Variants in DOCK11 observed in about 807,000 individuals in gnomAD.
DOCK11 encodes dedicator of cytokinesis 11, also known as dedicator of cytokinesis protein 11.
DOCK11 carries 70 observed loss-of-function variants against 169.1 expected under a neutral mutation model. The ratio of observed to expected loss-of-function variants is 0.41; its 90% CI spans 0.34 to 0.51. The LOEUF is 0.51. Ranked by LOEUF, DOCK11 falls within the 20% of genes least tolerant of loss-of-function variation. The pLI is 0.10. For missense variants in DOCK11, 1,166 were observed against 1,538.8 expected (o/e 0.76, Z 4.05); for synonymous variants, 529 against 541.3 (o/e 0.98, Z 0.32).
At chrX:118,583,238 T>C (rs932115478) in intron 14 of DOCK11, among the ~76,000 whole-genome samples, 4 of 110,218 alleles carry the variant, frequency 3.6e-5, no homozygotes, top group Admixed American at 9.7e-5. Flanking sequence ...TGAGAATACA[T>C]GGACATGGGG....
chrX:118,593,535 A>G (rs1184896783), intron 20 of DOCK11, among the ~76,000 whole-genome samples, 198 bp downstream of exon 20: 1 of 112,044 alleles, frequency 8.9e-6, no homozygotes, highest in Non-Finnish European at 1.9e-5. Flanking sequence ...ACACTTCCAC[A>G]TGGCTGAGGA....
chrX:118,560,419 T>C (rs1188450258), intron 6 of DOCK11, among the ~76,000 whole-genome samples: 2 of 111,834 alleles, frequency 1.8e-5, no homozygotes. Flanking sequence ...GTTCTTCGAA[T>C]AAGACAAGAT....
chrX:118,607,998 A>T, intron 24 of DOCK11, 74 bp from the exon 25 acceptor site: 1 of 906,849 alleles, frequency 1.1e-6, no homozygotes, highest in Admixed American at 2.9e-5. Flanking sequence ...GGGGCTAGAC[A>T]TGACGATCTT....
chrX:118,498,040 G>A (rs2057549393), intron 1 of DOCK11, among the ~76,000 whole-genome samples: 1 of 112,478 alleles, frequency 8.9e-6, no homozygotes, highest in Non-Finnish European at 1.9e-5. Flanking sequence ...CGCTGGCAGT[G>A]GCCATGGTTC....
At chrX:118,684,431 C>T (rs1255057374) in intron 52 of DOCK11, among the ~76,000 whole-genome samples, 1 of 108,523 alleles carries the variant, frequency 9.2e-6, no homozygotes, top group Non-Finnish European at 1.9e-5. Context: ...TGCCACCACG[C>T]CTGGCTAATT....
chrX:118,578,583 AG>A lies in DOCK11; in HGVS notation c.1450del (p.Val484TyrfsTer20). On this transcript the variant is annotated frameshift_variant, in exon 13 of 53. Transcript: ENST00000276202. LOFTEE classifies it high-confidence loss of function. ...PEIFLVARIE[K>X]VLQGNITHCA... ...ATTTTTCTAGTTGCCAGAATTGAAA[AG>A]GTACTACAGGGAAACATTACACACT... The A allele has an allele frequency of 1.7e-6, 2 of 1,206,633 alleles. No homozygotes were observed. The highest frequency in any genetic ancestry group is 2.2e-6 in the Non-Finnish European group (2 of 891,254).
At chrX:118,508,396 G>A (rs923331016) in intron 1 of DOCK11, among the ~76,000 whole-genome samples, 22 of 110,877 alleles carry the variant, frequency 2.0e-4, no homozygotes, top group Non-Finnish European at 3.8e-5. Flanking sequence ...TGCCTTGCAG[G>A]GCCTGTTGTC....
intron 46 of DOCK11, among the ~76,000 whole-genome samples, chrX:118,672,570 T>C (rs375803631): frequency 1.7e-3 from 191 of 112,614 alleles, no homozygotes; most frequent in African/African-American, 2.0e-3. Context: ...GTAGCTGGGA[T>C]TACAGGCGCC....
At chrX:118,616,315 G>C (rs2014811633) in intron 30 of DOCK11, 1 of 699,419 alleles carries the variant, frequency 1.4e-6, no homozygotes, top group Non-Finnish European at 1.9e-6. Flanking sequence ...TGCTAAGATG[G>C]ATGGGGGCTT....
intron 49 of DOCK11, 77 bp from the exon 50 acceptor site, chrX:118,680,981 T>C: frequency 2.9e-5 from 27 of 930,691 alleles, no homozygotes; most frequent in Non-Finnish European, 3.5e-5. Context: ...TTAAGCACAA[T>C]AGAGTTTTTT....
intron 18 of DOCK11, among the ~76,000 whole-genome samples, chrX:118,589,484 A>G (rs957009445): frequency 1.8e-5 from 2 of 111,712 alleles, no homozygotes; most frequent in Non-Finnish European, 3.8e-5. Flanking sequence ...TGCTCACTCT[A>G]AAGTAACAGA....
At chrX:118,548,066 G>T (rs2147354630) in intron 6 of DOCK11, among the ~76,000 whole-genome samples, 1 of 111,605 alleles carries the variant, frequency 9.0e-6, no homozygotes, top group South Asian at 3.8e-4. Flanking sequence ...ATAAATAAAT[G>T]CATGAAGGAA....
At chrX:118,578,729 G>A (rs1447628515) in intron 13 of DOCK11, 82 bp downstream of exon 13, 1 of 958,030 alleles carries the variant, frequency 1.0e-6, no homozygotes, top group African/African-American at 2.0e-5. Flanking sequence ...CCATTGCTTT[G>A]AGCATGCTAT....
At chrX:118,678,409 C>T (rs1365899046) in intron 48 of DOCK11, among the ~76,000 whole-genome samples, 1 of 112,084 alleles carries the variant, frequency 8.9e-6, no homozygotes, top group Non-Finnish European at 1.9e-5. Context: ...CATTAAAAAG[C>T]ATGAGAGATT....
chrX:118,650,657 G>A lies in DOCK11; in HGVS notation c.4582-1307G>A, dbSNP rs139029775. 1.4e-3 allele frequency among the ~76,000 whole-genome samples: 152 copies of A among 111,763 alleles called. 1 individual carries two copies. The East Asian group carries it at 0.036, about 26-fold the overall frequency. ...TTACTATTTGCTTTTATATGAGATG[G>A]CATTTGGAAACCCACCTTCCCCTAG... On this transcript the variant is annotated intron_variant, in intron 41 of 52. Coordinates refer to ENST00000276202, the MANE Select transcript of DOCK11 (RefSeq NM_144658.4).
intron 10 of DOCK11, chrX:118,569,543 A>G (rs1409503949): frequency 2.7e-5 from 3 of 111,851 alleles, no homozygotes; most frequent in African/African-American, 9.7e-5. Flanking sequence ...TTTGCTTCAT[A>G]TGGTTTTCTA....
chrX:118,511,973 G>T (rs1319770115), intron 1 of DOCK11, among the ~76,000 whole-genome samples: 1 of 112,459 alleles, frequency 8.9e-6, no homozygotes, highest in African/African-American at 3.2e-5. Flanking sequence ...GAGTGCAGTG[G>T]CACGATCTTG....
chrX:118,648,170 A>AAATTAATATATAATAATATAAT, intron 40 of DOCK11, among the ~76,000 whole-genome samples: 1 of 77,835 alleles, frequency 1.3e-5, no homozygotes, highest in Non-Finnish European at 2.3e-5. Context: ...TATAATATAT[A>AAATTAATATATAATAATATAAT]ATATAATAGT....
At chrX:118,638,788 A>G (rs2015453578) in intron 37 of DOCK11, among the ~76,000 whole-genome samples, 1 of 111,589 alleles carries the variant, frequency 9.0e-6, no homozygotes, top group African/African-American at 3.3e-5. Flanking sequence ...AATTTCAACC[A>G]TGTTTTCCCA....
Sources: gnomAD v4.1 joint callset for allele counts (sites outside exome capture counted in the v4.1 genomes callset) on GRCh38, gnomAD v4.1.1 for gene constraint, MANE v1.5 for transcripts, NCBI Gene and HGNC (gene_info 2026-07-23, HGNC 2026-07-21) for gene names.